The following LMO7 variants were observed in gnomAD, a reference collection of about 807,000 sequenced individuals.
LMO7 encodes LIM domain only protein 7.
A neutral mutation model predicts 206.5 loss-of-function variants in LMO7; 120 were observed. The observed-to-expected ratio is 0.58, with a 90% CI of 0.50 to 0.68. The LOEUF (loss-of-function observed/expected upper bound fraction) is 0.68, where lower values mean the gene tolerates loss of function less well. LMO7 is among the 30% of genes least tolerant of loss of function. LMO7 has a pLI of 0.00. For missense variants in LMO7, 1,959 were observed against 1,957.9 expected, an observed-to-expected ratio of 1.00 and a Z score of -0.01; for synonymous variants, 706 against 681.5, an observed-to-expected ratio of 1.04 and a Z score of -0.56.
At chr13:75,847,570 C>T (rs111763592) in intron 26 of LMO7, among the ~76,000 whole-genome samples, 1,745 of 152,274 alleles carry the variant, frequency 0.011, 14 homozygotes, top group Non-Finnish European at 0.019. Context: ...GAGATATGTG[C>T]GTTTATGTCC....
intron 26 of LMO7, among the ~76,000 whole-genome samples, chr13:75,848,521 G>A (rs573280109): frequency 6.6e-6 from 1 of 152,062 alleles, no homozygotes; most frequent in African/African-American, 2.4e-5. Flanking sequence ...ATTTGGGTTG[G>A]TTCCACATTT....
chr13:75,776,110 T>C lies in LMO7; in HGVS notation c.317+15072T>C, dbSNP rs193013945. On this transcript the variant is annotated intron_variant, in intron 4 of 30. Coordinates refer to ENST00000377534, the MANE Select transcript of LMO7 (RefSeq NM_001306080.2). ...AATGTTGTGGATATATATATATATA[T>C]ATACATACATACATACATATATATA... Among the ~76,000 whole-genome samples, 28 of 99,236 alleles carry C rather than the reference T, an allele frequency of 2.8e-4. No homozygotes were observed. The South Asian group carries it at 6.4e-3, about 23-fold the overall frequency. The allele number at this position is 99,236 out of a possible 152,430, so 65.1% of individuals were successfully genotyped here.
At position 75,842,880 on chromosome 13, in the gene LMO7, C is replaced by G. The variant is rs1018657698; in HGVS notation, c.4061C>G (p.Thr1354Arg). The G allele has an allele frequency of 1.2e-6, 2 of 1,608,220 alleles. No homozygotes were observed. The highest frequency in any genetic ancestry group is 2.2e-5 in the East Asian group (1 of 44,810). ...RPVDSYDIPK[T>R]EEASSGFLPG... is the part of the protein sequence containing the mutation. Reference sequence around the variant, plus strand: ...GTTGATTCCTATGATATACCAAAGACAGAAGAAGCATCTTCAGGTTTTCTT... The same window carrying G: ...GTTGATTCCTATGATATACCAAAGAGAGAAGAAGCATCTTCAGGTTTTCTT... The change falls in exon 25 of 31, where the codon ACA (threonine) becomes AGA (arginine). Residue 1354 changes from threonine to arginine, a missense_variant. Transcript: ENST00000377534.
intron 3 of LMO7, among the ~76,000 whole-genome samples, chr13:75,760,041 G>C (rs968309790): frequency 1.3e-5 from 2 of 151,406 alleles, no homozygotes; most frequent in Admixed American, 6.6e-5. Context: ...ACCCCATAAA[G>C]TGTTTTCTTT....
intron 30 of LMO7, chr13:75,856,867 T>G: frequency 3.1e-6 from 1 of 326,844 alleles, no homozygotes; most frequent in Non-Finnish European, 5.7e-6. Flanking sequence ...GTGTCTTGTG[T>G]TATCTGCCCA....
chr13:75,655,187 C>T (rs2037937225), intron 1 of LMO7, among the ~76,000 whole-genome samples: 1 of 152,130 alleles, frequency 6.6e-6, no homozygotes, highest in Non-Finnish European at 1.5e-5. Context: ...ACATCTTCTG[C>T]ATCCTTGCAT....
chr13:75,788,069 A>G (rs1232466154), intron 4 of LMO7, among the ~76,000 whole-genome samples: 2 of 152,124 alleles, frequency 1.3e-5, no homozygotes, highest in Non-Finnish European at 2.9e-5. Flanking sequence ...CTAAATTCCT[A>G]TTTTGATTCC....
chr13:75,830,624 A>G (rs2058569666), intron 15 of LMO7, among the ~76,000 whole-genome samples: 2 of 152,194 alleles, frequency 1.3e-5, no homozygotes, highest in Admixed American at 1.3e-4. Flanking sequence ...TAAGCCTTTC[A>G]AAGAGGAGGA....
At chr13:75,730,709 A>C (rs1406696215) in intron 3 of LMO7, among the ~76,000 whole-genome samples, 4 of 134,920 alleles carry the variant, frequency 3.0e-5, no homozygotes, top group African/African-American at 1.2e-4. Context: ...TAGTTCTTTT[A>C]ATTGTGATGT....
At position 75,849,061 on chromosome 13, in the gene LMO7, G is replaced by T. The variant is rs1382893386; in HGVS notation, c.4151-18G>T. 4 of 1,466,912 alleles carry T rather than the reference G, an allele frequency of 2.7e-6. No individual in the cohort carries two copies. The highest frequency in any genetic ancestry group is 1.2e-5 in the South Asian group (1 of 85,510). The allele number at this position is 1,466,912 out of a possible 1,614,324, so 90.9% of individuals were successfully genotyped here. A position where few individuals can be genotyped will look rare whatever the true frequency, so the allele number is the denominator to read the frequency against. Reference sequence around the variant, plus strand: ...AAAAGGTACTAATCCCAAAGCTTTTGATTTGTTTTTAATTTAGGAAACAAT... The same window carrying T: ...AAAAGGTACTAATCCCAAAGCTTTTTATTTGTTTTTAATTTAGGAAACAAT... On this transcript the variant is annotated intron_variant, in intron 26 of 30. Coordinates refer to ENST00000377534, the MANE Select transcript of LMO7 (RefSeq NM_001306080.2).
intron 7 of LMO7, among the ~76,000 whole-genome samples, chr13:75,802,655 T>A (rs1464577834): frequency 9.2e-5 from 14 of 152,170 alleles, no homozygotes. Context: ...GTCACATCCC[T>A]TTCTGATCTT....
chr13:75,697,212 A>AT (rs1207460030), intron 1 of LMO7, among the ~76,000 whole-genome samples: 2 of 151,996 alleles, frequency 1.3e-5, no homozygotes, highest in African/African-American at 4.8e-5. Flanking sequence ...GGCCAAGAAA[A>AT]TTTTTTTTGA....
At chr13:75,749,810 A>G (rs966460942) in intron 3 of LMO7, among the ~76,000 whole-genome samples, 2 of 150,770 alleles carry the variant, frequency 1.3e-5, no homozygotes, top group East Asian at 1.9e-4. Flanking sequence ...TTATCAGCAA[A>G]TGGCTGAGCC....
At chr13:75,636,753 C>T (rs2035919423) in intron 1 of LMO7, 27 bp downstream of exon 1, 1 of 1,591,704 alleles carries the variant, frequency 6.3e-7, no homozygotes, top group Non-Finnish European at 8.6e-7. Flanking sequence ...GCTTTCCCTT[C>T]CGCAGGTGTT....
At position 75,839,908 on chromosome 13, in the gene LMO7, A is replaced by G. The variant is rs967322998; in HGVS notation, c.3452-177A>G. ...TTTGAATTTGAAAGATGAGTAACAG[A>G]TGGAACTGTTACACCTGGAGAAAAA... On this transcript the variant is annotated intron_variant, in intron 20 of 30. Transcript: ENST00000377534. 5.4e-6 allele frequency: 3 copies of G among 557,308 alleles called. No individual in the cohort carries two copies. In the African/African-American group the frequency reaches 5.6e-5, roughly 10 times the overall value. The allele number at this position is 557,308 out of a possible 1,614,324, so 34.5% of individuals were successfully genotyped here.
intron 1 of LMO7, among the ~76,000 whole-genome samples, chr13:75,650,208 C>T (rs986977200): frequency 6.6e-6 from 1 of 152,072 alleles, no homozygotes; most frequent in African/African-American, 2.4e-5. Flanking sequence ...AGGCTCACTG[C>T]AACCTCCACC....
rs9600539 is a variant in LMO7 at position 75,737,797 on chromosome 13, A to C, written c.210+10699A>C. ...TAAAATAAAATAAAAAAAAAAAAAAAAAAACTTTTTACTTTGAAATAAATA... is the reference window on the plus strand; with the variant it reads ...TAAAATAAAATAAAAAAAAAAAAAACAAAACTTTTTACTTTGAAATAAATA... On this transcript the variant is annotated intron_variant, in intron 3 of 30. Coordinates refer to ENST00000377534, the MANE Select transcript of LMO7 (RefSeq NM_001306080.2). Among the ~76,000 whole-genome samples the C allele has an allele frequency of 1.3e-4, 17 of 134,482 alleles. 1 individual carries two copies. Among genetic ancestry groups the C allele is most frequent in the Non-Finnish European group, 2.4e-4 (15 of 62,878 alleles). The allele number at this position is 134,482 out of a possible 152,430, so 88.2% of individuals were successfully genotyped here.
chr13:75,708,850 GGTTAGTTACATAT>G (rs1440747507), intron 1 of LMO7, among the ~76,000 whole-genome samples: 1 of 151,984 alleles, frequency 6.6e-6, no homozygotes, highest in Non-Finnish European at 1.5e-5. Context: ...ACAACGTGCA[GGTTAGTTACATAT>G]GTATACATGT....
chr13:75,789,484 C>T (rs182038206), intron 4 of LMO7, among the ~76,000 whole-genome samples: 3 of 152,128 alleles, frequency 2.0e-5, no homozygotes, highest in Non-Finnish European at 4.4e-5. Context: ...AGCTTTACTC[C>T]CACGTGGGGA....
Sources: allele counts gnomAD v4.1 joint callset (sites outside exome capture counted in the v4.1 genomes callset), GRCh38; gene constraint gnomAD v4.1.1; transcripts MANE v1.5; gene names NCBI Gene and HGNC (gene_info 2026-07-23, HGNC 2026-07-21).